BLOC1S5: variants seen among roughly 807,000 people sequenced by gnomAD.
BLOC1S5 encodes the protein biogenesis of lysosomal organelles complex 1 subunit 5.
A neutral mutation model predicts 24.3 loss-of-function variants in BLOC1S5; 27 were observed. The ratio of observed to expected loss-of-function variants is 1.11; its 90% CI spans 0.82 to 1.53. BLOC1S5 has a LOEUF of 1.53. Ranked by LOEUF, BLOC1S5 falls within the 40% of genes most tolerant of loss-of-function variation. BLOC1S5 has a pLI of 0.00. For synonymous variants in BLOC1S5, 84 were observed against 74.5 expected, an observed-to-expected ratio of 1.13 and a Z score of -0.66; for missense variants, 239 against 229.4, an observed-to-expected ratio of 1.04 and a Z score of -0.27.
At chr6:8,053,627 T>C (rs950635973) in intron 2 of BLOC1S5, among the ~76,000 whole-genome samples, 2 of 152,216 alleles carry the variant, frequency 1.3e-5, no homozygotes, top group Non-Finnish European at 1.5e-5. Context: ...AAGAAATTTG[T>C]TTAACTTGCT....
chr6:8,031,807 G>C (rs748391701), intron 3 of BLOC1S5, among the ~76,000 whole-genome samples: 4 of 152,046 alleles, frequency 2.6e-5, no homozygotes, highest in Non-Finnish European at 4.4e-5. Context: ...AACCCAAAAA[G>C]AAAGCCAAAT....
At chr6:8,059,198 T>C (rs576165086) in intron 2 of BLOC1S5, among the ~76,000 whole-genome samples, 4 of 152,340 alleles carry the variant, frequency 2.6e-5, no homozygotes, top group South Asian at 2.1e-4. Context: ...TCTCTGTCCA[T>C]AATGTTCATT....
At chr6:8,015,948 T>G in intron 4 of BLOC1S5, 120 bp from the exon 5 acceptor site, 2 of 841,084 alleles carry the variant, frequency 2.4e-6, no homozygotes, top group South Asian at 4.0e-5. Flanking sequence ...AAAGTTGTGT[T>G]ATAATATCCA....
In BLOC1S5 at chr6:8,015,357, A is replaced by C. The variant is rs929928645; in HGVS notation, c.*292T>G. 1 of 304,758 alleles carries C rather than the reference A, an allele frequency of 3.3e-6. No individual in the cohort carries two copies. Among genetic ancestry groups the C allele is most frequent in the African/African-American group, 2.1e-5 (1 of 46,598 alleles). The allele number at this position is 304,758 out of a possible 1,614,324, so 18.9% of individuals were successfully genotyped here. ...TCTATACCTACAGTTCTCTGAGCTAATCAATGGAAAAGATGATCAATTCTG... is the reference window on the plus strand; with the variant it reads ...TCTATACCTACAGTTCTCTGAGCTACTCAATGGAAAAGATGATCAATTCTG... On this transcript the variant is annotated 3_prime_UTR_variant, in exon 5 of 5. Coordinates refer to ENST00000397457, the MANE Select transcript of BLOC1S5 (RefSeq NM_201280.3).
intron 2 of BLOC1S5, among the ~76,000 whole-genome samples, chr6:8,047,142 C>CCTCTCTCTCTCTCTCT (rs761994219): frequency 1.3e-3 from 132 of 102,296 alleles, no homozygotes; most frequent in East Asian, 2.3e-3. Flanking sequence ...AATAAGACCA[C>CCTCTCTCTCTCTCTCT]CTCTCTCTCT....
chr6:8,059,619 A>G (rs1393829794), intron 2 of BLOC1S5, among the ~76,000 whole-genome samples: 1 of 152,220 alleles, frequency 6.6e-6, no homozygotes, highest in African/African-American at 2.4e-5. Flanking sequence ...AATAATGCAG[A>G]TGTATATTCA....
At chr6:8,044,782 G>C (rs181265566) in intron 2 of BLOC1S5, among the ~76,000 whole-genome samples, 128 of 152,294 alleles carry the variant, frequency 8.4e-4, no homozygotes, top group African/African-American at 2.9e-3. Flanking sequence ...ACTTGAGAGA[G>C]ATCATTGAGA....
Position 8,047,966 on chromosome 6 carries a change from G to A in BLOC1S5, c.196-6698C>T, listed in dbSNP as rs147190577. Among the ~76,000 whole-genome samples, 333 of 152,236 alleles carry A rather than the reference G, an allele frequency of 2.2e-3. 3 individuals carry two copies. Among genetic ancestry groups the A allele is most frequent in the African/African-American group, 7.7e-3 (319 of 41,542 alleles). ...GACAGAACACTTGATTCTTTCTCCC[G>A]TATTTACCAGTTTCAAAAATAATGA... On this transcript the variant is annotated intron_variant, in intron 2 of 4. Coordinates refer to ENST00000397457, the MANE Select transcript of BLOC1S5 (RefSeq NM_201280.3).
At chr6:8,016,724 G>A (rs1002867869) in intron 4 of BLOC1S5, among the ~76,000 whole-genome samples, 22 of 151,628 alleles carry the variant, frequency 1.5e-4, no homozygotes, top group Admixed American at 3.9e-4. Context: ...AAAATTAGCC[G>A]GTGTGGTGGC....
intron 3 of BLOC1S5, among the ~76,000 whole-genome samples, chr6:8,040,464 T>G (rs114688552): frequency 0.039 from 5,957 of 152,184 alleles, 369 homozygotes; most frequent in African/African-American, 0.13. Context: ...TTTTTAAAAG[T>G]AAAAAAACTT....
At chr6:8,025,971 T>A (rs1763088707) in intron 4 of BLOC1S5, among the ~76,000 whole-genome samples, 1 of 152,332 alleles carries the variant, frequency 6.6e-6, no homozygotes, top group Admixed American at 6.5e-5. Flanking sequence ...GGCTATTCAT[T>A]AAATAACCTA....
chr6:8,033,444 G>A (rs1244225374), intron 3 of BLOC1S5, among the ~76,000 whole-genome samples: 1 of 152,148 alleles, frequency 6.6e-6, no homozygotes, highest in Non-Finnish European at 1.5e-5. Context: ...GCTGAAACTG[G>A]ATCCCTTCCT....
At chr6:8,022,856 T>C in intron 4 of BLOC1S5, among the ~76,000 whole-genome samples, 1 of 140,930 alleles carries the variant, frequency 7.1e-6, no homozygotes, top group Non-Finnish European at 1.5e-5. Flanking sequence ...AGTGCTGGGA[T>C]TACAGGCGTG....
intron 1 of BLOC1S5, 101 bp downstream of exon 1, chr6:8,064,164 G>T: frequency 1.0e-6 from 1 of 1,002,364 alleles, no homozygotes; most frequent in Non-Finnish European, 1.4e-6. Context: ...ACGCACGCGC[G>T]CCAGCCCGGG....
chr6:8,021,979 G>A (rs1033361480), intron 4 of BLOC1S5, among the ~76,000 whole-genome samples: 12 of 152,094 alleles, frequency 7.9e-5, no homozygotes, highest in East Asian at 3.9e-4. Context: ...AAACCGGCAC[G>A]CATGCAGGCA....
chr6:8,020,417 T>C (rs897379455), intron 4 of BLOC1S5, among the ~76,000 whole-genome samples: 1 of 152,256 alleles, frequency 6.6e-6, no homozygotes, highest in African/African-American at 2.4e-5. Context: ...TGTGAACATG[T>C]CAGACACCCT....
At chr6:8,038,505 G>A (rs1763566242) in intron 3 of BLOC1S5, among the ~76,000 whole-genome samples, 1 of 147,234 alleles carries the variant, frequency 6.8e-6, no homozygotes, top group South Asian at 2.3e-4. Context: ...ATTAATTATT[G>A]ACGGAGTCTC....
chr6:8,027,798 G>T (rs1763160157), intron 3 of BLOC1S5, among the ~76,000 whole-genome samples: 1 of 149,940 alleles, frequency 6.7e-6, no homozygotes, highest in South Asian at 2.1e-4. Context: ...ACTCCAGCCT[G>T]GGCAACAGAG....
At chr6:8,055,262 T>C (rs1444821827) in intron 2 of BLOC1S5, among the ~76,000 whole-genome samples, 1 of 152,174 alleles carries the variant, frequency 6.6e-6, no homozygotes, top group African/African-American at 2.4e-5. Flanking sequence ...GGTGAAACCC[T>C]GTCTCTATTA....
Sources: allele counts gnomAD v4.1 joint callset (sites outside exome capture counted in the v4.1 genomes callset), GRCh38; gene constraint gnomAD v4.1.1; transcripts MANE v1.5; gene names NCBI Gene and HGNC (gene_info 2026-07-23, HGNC 2026-07-21).